ARPP21: variants seen among roughly 807,000 people sequenced by gnomAD.
ARPP21 encodes the protein cAMP regulated phosphoprotein 21.
In ARPP21, 69 loss-of-function variants were observed where a neutral mutation model predicts 113.2. The ratio of observed to expected loss-of-function variants is 0.61; its 90% CI spans 0.50 to 0.74. ARPP21 has a LOEUF of 0.74. ARPP21 is among the 30% of genes least tolerant of loss of function. The pLI is 0.00. For missense variants in ARPP21, 1,070 were observed against 1,037.4 expected (o/e 1.03, Z -0.43); for synonymous variants, 368 against 375.5 (o/e 0.98, Z 0.23).
intron 1 of ARPP21, among the ~76,000 whole-genome samples, chr3:35,664,301 A>G (rs938537785): frequency 4.6e-5 from 7 of 152,182 alleles, no homozygotes; most frequent in African/African-American, 1.4e-4. Flanking sequence ...TTGTGGTGAG[A>G]ACATTAAAAA....
chr3:35,740,408 C>T (rs1356487420), intron 18 of ARPP21, among the ~76,000 whole-genome samples: 6 of 152,156 alleles, frequency 3.9e-5, no homozygotes, highest in Non-Finnish European at 8.8e-5. Flanking sequence ...TGCAGTGTCA[C>T]CTTCGTATCA....
intron 15 of ARPP21, among the ~76,000 whole-genome samples, chr3:35,732,997 A>G (rs1267314196): frequency 6.6e-6 from 1 of 152,120 alleles, no homozygotes; most frequent in East Asian, 1.9e-4. Flanking sequence ...TTTAACTATC[A>G]TCTTCTAAAG....
rs114966276 is a variant in ARPP21, at chr3:35,740,870, A to G, written c.2010+1293A>G. Among the ~76,000 whole-genome samples, 616 of 152,224 alleles carry G rather than the reference A, an allele frequency of 4.0e-3. 7 individuals are homozygous for G. The highest frequency in any genetic ancestry group is 0.014 in the African/African-American group (574 of 41,522). Reference sequence around the variant, plus strand: ...CCCTGCACTTTGGGGGGCTGAGGCAAAAGGACTACTTGAGCCTGGGAGTTC... The same window carrying G: ...CCCTGCACTTTGGGGGGCTGAGGCAGAAGGACTACTTGAGCCTGGGAGTTC... On this transcript the variant is annotated intron_variant, in intron 18 of 20. Transcript: ENST00000684406.
intron 9 of ARPP21, among the ~76,000 whole-genome samples, chr3:35,701,044 C>G (rs1406966024): frequency 1.3e-5 from 2 of 151,556 alleles, no homozygotes; most frequent in African/African-American, 4.8e-5. Flanking sequence ...TAAAATTGTC[C>G]TAGGCTAATC....
intron 11 of ARPP21, among the ~76,000 whole-genome samples, chr3:35,709,539 A>G (rs2090366283): frequency 6.6e-6 from 1 of 152,238 alleles, no homozygotes; most frequent in South Asian, 2.1e-4. Context: ...ACATTTCATT[A>G]TACTAAATTT....
At chr3:35,771,353 C>T (rs1356119042) in intron 19 of ARPP21, among the ~76,000 whole-genome samples, 1 of 150,982 alleles carries the variant, frequency 6.6e-6, no homozygotes, top group East Asian at 2.0e-4. Context: ...TTTTAAGATG[C>T]AGTCTCACTC....
intron 19 of ARPP21, among the ~76,000 whole-genome samples, chr3:35,783,454 G>A (rs776544901): frequency 4.6e-4 from 70 of 151,372 alleles, no homozygotes; most frequent in Admixed American, 5.3e-4. Flanking sequence ...CCTCCTTGCC[G>A]CTCATAGATG....
At chr3:35,696,850 C>T (rs1045736214) in intron 9 of ARPP21, among the ~76,000 whole-genome samples, 13 of 151,390 alleles carry the variant, frequency 8.6e-5, no homozygotes, top group Admixed American at 6.6e-5. Flanking sequence ...AGAAATTTTG[C>T]CCTTCTCTTT....
intron 19 of ARPP21, among the ~76,000 whole-genome samples, chr3:35,753,178 T>C (rs2095461308): frequency 6.6e-6 from 1 of 151,778 alleles, no homozygotes; most frequent in Admixed American, 6.6e-5. Flanking sequence ...AGTTGTTGTG[T>C]GAATATTTAA....
Position 35,793,801 on chromosome 3 carries a change from G to A in ARPP21, c.2387G>A (p.Gly796Glu), listed in dbSNP as rs775171818. ...GGTCAAGGGTCACTCCCAGCCACTG[G>A]AATGCCTGTTTACTGTAATGTCACA... ...QAGQGSLPAT[G>E]MPVYCNVTPP... Residue 796 changes from glycine to glutamate, a missense_variant, in exon 21 of 21, where the codon GGA becomes GAA. Coordinates refer to ENST00000684406, the MANE Select transcript of ARPP21 (RefSeq NM_001385562.1). 3.1e-6 allele frequency: 5 copies of A among 1,614,126 alleles called. No individual in the cohort carries two copies. Among genetic ancestry groups the A allele is most frequent in the Non-Finnish European group, 4.2e-6 (5 of 1,180,010 alleles).
At chr3:35,747,309 T>C (rs1198973732) in intron 19 of ARPP21, among the ~76,000 whole-genome samples, 2 of 146,302 alleles carry the variant, frequency 1.4e-5, no homozygotes, top group Admixed American at 6.9e-5. Flanking sequence ...GAGTCGAGAT[T>C]GCACCATTGC....
At chr3:35,780,698 A>G (rs982668476) in intron 19 of ARPP21, among the ~76,000 whole-genome samples, 8 of 152,128 alleles carry the variant, frequency 5.3e-5, no homozygotes, top group African/African-American at 1.9e-4. Context: ...TCACCTGGGA[A>G]CCTGTCAGAA....
At chr3:35,686,340 G>A (rs1356337164) in intron 5 of ARPP21, among the ~76,000 whole-genome samples, 3 of 151,684 alleles carry the variant, frequency 2.0e-5, no homozygotes, top group East Asian at 3.9e-4. Context: ...TTACACTCAG[G>A]TTTTACAAAG....
At chr3:35,783,195 C>G (rs2096561382) in intron 19 of ARPP21, among the ~76,000 whole-genome samples, 1 of 152,124 alleles carries the variant, frequency 6.6e-6, no homozygotes, top group Non-Finnish European at 1.5e-5. Context: ...TGATAGTCTT[C>G]TCAATTGGTA....
At chr3:35,678,867 A>C (rs1334437075) in intron 1 of ARPP21, 1 of 151,964 alleles carries the variant, frequency 6.6e-6, no homozygotes, top group East Asian at 1.9e-4. Context: ...AGAGGTGTGC[A>C]TGCTGTTGGA....
At chr3:35,785,865 G>A (rs2096621649) in intron 19 of ARPP21, among the ~76,000 whole-genome samples, 1 of 152,034 alleles carries the variant, frequency 6.6e-6, no homozygotes, top group Admixed American at 6.5e-5. Flanking sequence ...TTACCCCCAT[G>A]CCCATGCACA....
chr3:35,648,248 A>T (rs551976353), intron 1 of ARPP21, among the ~76,000 whole-genome samples: 1 of 152,314 alleles, frequency 6.6e-6, no homozygotes, highest in East Asian at 1.9e-4. Flanking sequence ...GGTCTAATTC[A>T]GTTGTCTAAA....
At chr3:35,705,619 T>A (rs1318601571) in intron 9 of ARPP21, among the ~76,000 whole-genome samples, 2 of 152,170 alleles carry the variant, frequency 1.3e-5, no homozygotes, top group Non-Finnish European at 2.9e-5. Context: ...CCAGGCTGTG[T>A]GATGCCTGTG....
chr3:35,738,387 T>C (rs2094479676), intron 17 of ARPP21, 69 bp downstream of exon 17: 12 of 1,335,060 alleles, frequency 9.0e-6, no homozygotes, highest in Non-Finnish European at 1.2e-5. Context: ...TACTTTTTTG[T>C]GTGCCACTGG....
Sources: gnomAD v4.1 joint callset for allele counts (sites outside exome capture counted in the v4.1 genomes callset) on GRCh38, gnomAD v4.1.1 for gene constraint, MANE v1.5 for transcripts, NCBI Gene and HGNC (gene_info 2026-07-23, HGNC 2026-07-21) for gene names.